MCOLN3: variants seen among roughly 807,000 people sequenced by gnomAD.
MCOLN3 encodes mucolipin-3.
Under a neutral mutation model 69.4 loss-of-function variants are expected in MCOLN3, and 62 were observed. That is an observed-to-expected ratio of 0.89 (90% CI 0.73 to 1.10). The LOEUF is 1.10. Among genes scored for constraint, MCOLN3 ranks in the 50% least tolerant of loss-of-function variants. The pLI is 0.00. For synonymous variants in MCOLN3, 183 were observed against 217.0 expected, an observed-to-expected ratio of 0.84 and a Z score of 1.38; for missense variants, 564 against 656.4, an observed-to-expected ratio of 0.86 and a Z score of 1.54.
intron 11 of MCOLN3, 29 bp from the exon 12 acceptor site, chr1:85,021,305 T>C: frequency 6.4e-7 from 1 of 1,568,506 alleles, no homozygotes; most frequent in Non-Finnish European, 8.7e-7. Context: ...AAAGTTCACT[T>C]TATTCCATGT....
chr1:85,030,513 G>A (rs1269365167), intron 6 of MCOLN3, among the ~76,000 whole-genome samples: 2 of 152,142 alleles, frequency 1.3e-5, no homozygotes, highest in African/African-American at 4.8e-5. Flanking sequence ...AAATACAGAC[G>A]TTTTTGTCTC....
chr1:85,021,989 A>T (rs1651961256), intron 11 of MCOLN3, 81 bp downstream of exon 11: 2 of 1,492,796 alleles, frequency 1.3e-6, no homozygotes, highest in Non-Finnish European at 1.8e-6. Context: ...AAATAAAAGG[A>T]GTTCATTGAA....
intron 1 of MCOLN3, 77 bp from the exon 2 acceptor site, chr1:85,045,439 T>C (rs577285757): frequency 1.2e-4 from 141 of 1,177,852 alleles, no homozygotes; most frequent in Middle Eastern, 5.2e-4. Flanking sequence ...TATTCTTTAA[T>C]ATTGCAAGGA....
intron 7 of MCOLN3, among the ~76,000 whole-genome samples, chr1:85,027,710 A>C (rs1449693316): frequency 6.6e-6 from 1 of 152,206 alleles, no homozygotes; most frequent in African/African-American, 2.4e-5. Flanking sequence ...TGCATAGTAA[A>C]GGAAGGCCTC....
intron 4 of MCOLN3, among the ~76,000 whole-genome samples, chr1:85,033,264 C>T (rs1304663988): frequency 6.6e-6 from 1 of 152,094 alleles, no homozygotes; most frequent in Non-Finnish European, 1.5e-5. Flanking sequence ...GAGTCCCTCC[C>T]CCTTTTTGTA....
chr1:85,045,029 C>T (rs549060399), intron 2 of MCOLN3, 104 bp downstream of exon 2: 546 of 798,412 alleles, frequency 6.8e-4, no homozygotes, highest in Non-Finnish European at 9.7e-4. Context: ...TACTCTTCAA[C>T]ATTTTGCATA....
rs1264434204 is a variant in MCOLN3, at chr1:85,041,142, TACC to T, written c.261_263del (p.Val88del). 3.1e-6 allele frequency: 5 copies of T among 1,613,786 alleles called. No individual in the cohort carries two copies. Among genetic ancestry groups the T allele is most frequent in the South Asian group, 1.1e-5 (1 of 91,024 alleles). ...CTATAGTATTCTCTTCCTTGAAAGC[TACC>T]ACCATCTGGTTACTTAGCCCAAATA... On this transcript the variant is annotated inframe_deletion, in exon 3 of 13. Transcript: ENST00000370589.
chr1:85,021,395 CAAAT>C, intron 11 of MCOLN3, 119 bp from the exon 12 acceptor site: 1 of 770,652 alleles, frequency 1.3e-6, no homozygotes. Flanking sequence ...CATTTTCAAA[CAAAT>C]AACCTGAGGT....
chr1:85,018,096 G>C lies in MCOLN3; in HGVS notation c.*1027C>G, dbSNP rs917567834. The C allele has an allele frequency of 1.3e-5, 2 of 152,112 alleles. No homozygotes were observed. Among genetic ancestry groups the C allele is most frequent in the Admixed American group, 1.3e-4 (2 of 15,270 alleles). The allele number at this position is 152,112 out of a possible 1,614,324, so 9.4% of individuals were successfully genotyped here. On this transcript the variant is annotated 3_prime_UTR_variant, in exon 13 of 13. Transcript: ENST00000370589. ...TTCATCAAAAATGCATTTGGTATAT[G>C]CTTTAATTTCATGCATGTATAAGAT...
chr1:85,045,424 G>T, intron 1 of MCOLN3, 62 bp from the exon 2 acceptor site: 1 of 1,333,340 alleles, frequency 7.5e-7, no homozygotes, highest in Non-Finnish European at 1.0e-6. Context: ...AAAGACACAA[G>T]TCCATATTCT....
rs1652589733 is a variant in MCOLN3 at position 85,032,548 on chromosome 1, G to A, written c.732+148C>T. Reference sequence around the variant, plus strand: ...AAACTTGTTATTATAGCAAAATAGAGCTAGATGTATCAATGCTTCCCTTAT... The same window carrying A: ...AAACTTGTTATTATAGCAAAATAGAACTAGATGTATCAATGCTTCCCTTAT... On this transcript the variant is annotated intron_variant, in intron 6 of 12. Coordinates refer to ENST00000370589, the MANE Select transcript of MCOLN3 (RefSeq NM_018298.11). The A allele has an allele frequency of 5.8e-6, 4 of 686,738 alleles. No individual in the cohort carries two copies. The South Asian group carries it at 6.9e-5, about 12-fold the overall frequency. The allele number at this position is 686,738 out of a possible 1,614,324, so 42.5% of individuals were successfully genotyped here.
chr1:85,047,452 G>A (rs1231616328), intron 1 of MCOLN3: 1 of 152,324 alleles, frequency 6.6e-6, no homozygotes, highest in African/African-American at 2.4e-5. Flanking sequence ...GCCGGCGCGG[G>A]AGGCAGGGTG....
chr1:85,039,902 G>A (rs1652978355), intron 3 of MCOLN3, among the ~76,000 whole-genome samples: 1 of 151,022 alleles, frequency 6.6e-6, no homozygotes, highest in Non-Finnish European at 1.5e-5. Flanking sequence ...AGAGAGCTGT[G>A]ACTGCACCAC....
intron 3 of MCOLN3, among the ~76,000 whole-genome samples, chr1:85,037,600 C>T (rs568605731): frequency 3.0e-4 from 45 of 152,338 alleles, no homozygotes; most frequent in Non-Finnish European, 4.7e-4. Context: ...TAACTATATA[C>T]GCTATAGCCA....
intron 11 of MCOLN3, among the ~76,000 whole-genome samples, chr1:85,021,554 A>C (rs1353100546): frequency 6.6e-6 from 1 of 152,250 alleles, no homozygotes; most frequent in Non-Finnish European, 1.5e-5. Context: ...CAAGCCTTGC[A>C]TCTGCCCTTT....
At chr1:85,028,709 CT>C (rs1403175375) in intron 7 of MCOLN3, among the ~76,000 whole-genome samples, 1 of 152,124 alleles carries the variant, frequency 6.6e-6, no homozygotes, top group Non-Finnish European at 1.5e-5. Flanking sequence ...GCTTCTGAGC[CT>C]TAGTTTCTTC....
At chr1:85,020,254 G>A (rs1557679938) in intron 12 of MCOLN3, among the ~76,000 whole-genome samples, 1 of 152,172 alleles carries the variant, frequency 6.6e-6, no homozygotes, top group African/African-American at 2.4e-5. Context: ...TGAAGTCACA[G>A]CCCTGGCTTC....
At chr1:85,034,374 A>C (rs1007558360) in intron 3 of MCOLN3, 123 bp from the exon 4 acceptor site, 3 of 922,070 alleles carry the variant, frequency 3.3e-6, no homozygotes, top group Non-Finnish European at 1.7e-6. Context: ...ATTCACTTTG[A>C]TAAACAGGGT....
In MCOLN3 at chr1:85,019,134, A is replaced by G. The variant is rs777419578; in HGVS notation, c.1651T>C (p.Cys551Arg). ...GATAAACCTGATAGCTACTTTTTACAACAGCAGAATAAAGATACTGGAGGG... is the reference window on the plus strand; with the variant it reads ...GATAAACCTGATAGCTACTTTTTACGACAGCAGAATAAAGATACTGGAGGG... ...DDPPVSLFCC[C>R]KK Residue 551 changes from cysteine to arginine, a missense_variant, in exon 13 of 13, where the codon TGT (cysteine) becomes CGT (arginine). By Grantham distance (180) the Cys-to-Arg change is radical. Coordinates refer to ENST00000370589, the MANE Select transcript of MCOLN3 (RefSeq NM_018298.11). The G allele has an allele frequency of 1.3e-5, 21 of 1,613,244 alleles. No homozygotes were observed. The African/African-American group carries it at 2.8e-4, about 22-fold the overall frequency.
Sources: allele counts gnomAD v4.1 joint callset (sites outside exome capture counted in the v4.1 genomes callset), GRCh38; gene constraint gnomAD v4.1.1; transcripts MANE v1.5; gene names NCBI Gene and HGNC (gene_info 2026-07-23, HGNC 2026-07-21).